Variants in ADGRL2 observed in about 807,000 individuals in gnomAD.
ADGRL2 encodes adhesion G protein-coupled receptor L2, also known as calcium-independent alpha-latrotoxin receptor 2.
Under a neutral mutation model 157.4 loss-of-function variants are expected in ADGRL2, and 44 were observed. The ratio of observed to expected loss-of-function variants is 0.28; its 90% CI spans 0.22 to 0.36. The LOEUF is 0.36. ADGRL2 is among the 10% of genes least tolerant of loss of function. The pLI, the probability that ADGRL2 is intolerant of heterozygous loss-of-function variation, is 1.00. For missense variants in ADGRL2, 1,510 were observed against 1,768.9 expected (o/e 0.85, Z 2.63); for synonymous variants, 585 against 624.7 (o/e 0.94, Z 0.95).
At chr1:81,498,514 T>C (rs1235664635) in intron 2 of ADGRL2, among the ~76,000 whole-genome samples, 5 of 152,186 alleles carry the variant, frequency 3.3e-5, no homozygotes, top group African/African-American at 1.2e-4. Context: ...GTCTCCCCCA[T>C]ACTGGACCGA....
chr1:81,365,099 G>C lies in ADGRL2; in HGVS notation c.-302+58590G>C, dbSNP rs188893502. On this transcript the variant is annotated intron_variant, in intron 1 of 24. Coordinates refer to the ADGRL2 transcript ENST00000370721. The stretch of plus-strand genomic sequence containing the variant: ...CGCCCTGAGGCTGGAGTTCAAGTGG[G>C]AGTATACTGGTCCAAGACTAACTAG... Among the ~76,000 whole-genome samples the C allele has an allele frequency of 3.5e-4, 54 of 152,276 alleles. No individual in the cohort carries two copies. The East Asian group carries it at 6.4e-3, about 18-fold the overall frequency.
At chr1:81,695,837 A>G (rs563273747), upstream of ADGRL2, among the ~76,000 whole-genome samples, 232 of 151,684 alleles carry the variant, frequency 1.5e-3, 1 homozygote, top group Middle Eastern at 0.01. Flanking sequence ...AAAAAAAAAA[A>G]GAATTAAGTG....
chr1:81,462,282 C>T (rs2077951703), intron 2 of ADGRL2, among the ~76,000 whole-genome samples: 1 of 152,190 alleles, frequency 6.6e-6, no homozygotes, highest in African/African-American at 2.4e-5. Context: ...CTGGCCACCC[C>T]AGCATGCAGC....
chr1:81,530,592 G>A (rs748399284), intron 2 of ADGRL2, among the ~76,000 whole-genome samples: 2 of 151,876 alleles, frequency 1.3e-5, no homozygotes, highest in Admixed American at 6.6e-5. Flanking sequence ...CAAGTGGTCC[G>A]ACTGCCTCAG....
chr1:81,631,796 C>G (rs2082015157), intron 3 of ADGRL2, among the ~76,000 whole-genome samples: 2 of 152,124 alleles, frequency 1.3e-5, no homozygotes, highest in African/African-American at 4.8e-5. Context: ...TATCGCCATT[C>G]TCACTTCCCC....
intron 1 of ADGRL2, among the ~76,000 whole-genome samples, chr1:81,806,817 G>A (rs2089225737): frequency 6.6e-6 from 1 of 151,964 alleles, no homozygotes; most frequent in Non-Finnish European, 1.5e-5. Context: ...CTTAGATTAA[G>A]AATGAAAGAT....
At chr1:81,552,600 A>G (rs2080174052) in intron 2 of ADGRL2, among the ~76,000 whole-genome samples, 1 of 114,898 alleles carries the variant, frequency 8.7e-6, no homozygotes, top group African/African-American at 3.1e-5. Context: ...ATGAAACTTT[A>G]CTTAGAAAAA....
chr1:81,989,231 A>G (rs570080855), intron 23 of ADGRL2, among the ~76,000 whole-genome samples: 2 of 152,282 alleles, frequency 1.3e-5, no homozygotes, highest in Non-Finnish European at 2.9e-5. Context: ...ATTCCTTTAG[A>G]GATAAAAATA....
intron 1 of ADGRL2, among the ~76,000 whole-genome samples, chr1:81,830,309 T>C (rs17107251): frequency 0.14 from 21,337 of 152,078 alleles, 1,666 homozygotes; most frequent in East Asian, 0.19. Flanking sequence ...TTGACTTGAC[T>C]GGACATACAT....
At chr1:81,801,864 C>G (rs927291700) in intron 1 of ADGRL2, among the ~76,000 whole-genome samples, 4 of 152,214 alleles carry the variant, frequency 2.6e-5, no homozygotes, top group Non-Finnish European at 5.9e-5. Context: ...CCCTTTCGCT[C>G]TGATTCCCGA....
chr1:81,779,105 T>C (rs1490070688), intron 2 of ADGRL2, among the ~76,000 whole-genome samples: 2 of 152,100 alleles, frequency 1.3e-5, no homozygotes, highest in Non-Finnish European at 2.9e-5. Context: ...ATTTATTGAG[T>C]AGTACTTGGT....
chr1:81,573,602 T>C (rs986006351), intron 2 of ADGRL2, among the ~76,000 whole-genome samples: 3 of 152,194 alleles, frequency 2.0e-5, no homozygotes, highest in Non-Finnish European at 2.9e-5. Context: ...ATAAAGAAGC[T>C]GTCCCCTGTT....
chr1:81,438,262 T>C (rs543760272), intron 1 of ADGRL2, among the ~76,000 whole-genome samples: 7 of 152,340 alleles, frequency 4.6e-5, no homozygotes, highest in African/African-American at 1.7e-4. Context: ...GATCCCATTA[T>C]TAACTTTTCA....
intron 2 of ADGRL2, among the ~76,000 whole-genome samples, chr1:81,777,198 A>G (rs532843928): frequency 6.6e-6 from 1 of 152,340 alleles, no homozygotes; most frequent in South Asian, 2.1e-4. Flanking sequence ...ACAATTTGAA[A>G]TAGAGTTAGA....
intron 2 of ADGRL2, among the ~76,000 whole-genome samples, chr1:81,508,007 T>C (rs1488707432): frequency 6.6e-6 from 1 of 152,242 alleles, no homozygotes; most frequent in African/African-American, 2.4e-5. Context: ...CTTGACTTTA[T>C]TTTGCCTTTT....
intron 2 of ADGRL2, among the ~76,000 whole-genome samples, 173 bp from the exon 3 acceptor site, chr1:81,906,843 TA>T (rs909478467): frequency 3.3e-5 from 5 of 152,158 alleles, no homozygotes; most frequent in South Asian, 4.1e-4. Flanking sequence ...TAAAGATGAA[TA>T]AAAAATAATT....
intron 2 of ADGRL2, among the ~76,000 whole-genome samples, chr1:81,891,125 C>A (rs1033851558): frequency 6.6e-6 from 1 of 151,700 alleles, no homozygotes; most frequent in African/African-American, 2.4e-5. Flanking sequence ...CTTTTACATA[C>A]TTTTCTGGGA....
intron 4 of ADGRL2, among the ~76,000 whole-genome samples, 185 bp from the exon 5 acceptor site, chr1:81,941,849 A>G (rs765428227): frequency 3.8e-4 from 57 of 151,820 alleles, no homozygotes; most frequent in Non-Finnish European, 7.4e-4. Flanking sequence ...TAACTTTAGA[A>G]TCTTTCTCCT....
At chr1:81,673,494 A>G (rs1302315176) in intron 3 of ADGRL2, among the ~76,000 whole-genome samples, 1 of 150,896 alleles carries the variant, frequency 6.6e-6, no homozygotes, top group Non-Finnish European at 1.5e-5. Flanking sequence ...CCTGAGGAAC[A>G]GAAACTGTGC....
Sources: allele counts gnomAD v4.1 joint callset (sites outside exome capture counted in the v4.1 genomes callset), GRCh38; gene constraint gnomAD v4.1.1; transcripts MANE v1.5; gene names NCBI Gene and HGNC (gene_info 2026-07-23, HGNC 2026-07-21).